NCAPG2: variants seen among roughly 807,000 people sequenced by gnomAD.
The protein encoded by NCAPG2 is non-SMC condensin II complex subunit G2.
In NCAPG2, 53 loss-of-function variants were observed where a neutral mutation model predicts 141.1. That is an observed-to-expected ratio of 0.38 (90% CI 0.30 to 0.47). The LOEUF (loss-of-function observed/expected upper bound fraction) is 0.47. Ranked by LOEUF, NCAPG2 falls within the 20% of genes least tolerant of loss-of-function variation. The pLI is 0.99. For missense variants in NCAPG2, 1,087 were observed against 1,389.0 expected (o/e 0.78, Z 3.46); for synonymous variants, 499 against 490.7 (o/e 1.02, Z -0.22).
chr7:158,643,856 G>A (rs764320943), intron 27 of NCAPG2, among the ~76,000 whole-genome samples: 1 of 152,206 alleles, frequency 6.6e-6, no homozygotes, highest in Non-Finnish European at 1.5e-5. Flanking sequence ...CCTGCAGGCT[G>A]TGCGTAGCAA....
intron 11 of NCAPG2, among the ~76,000 whole-genome samples, chr7:158,678,819 T>C (rs2336803): frequency 6.6e-6 from 1 of 151,824 alleles, no homozygotes; most frequent in Admixed American, 6.5e-5. Context: ...GTGTGTGTGC[T>C]TGAAGAAGTA....
At chr7:158,701,455 T>G (rs947597763) in intron 2 of NCAPG2, among the ~76,000 whole-genome samples, 8 of 152,206 alleles carry the variant, frequency 5.3e-5, no homozygotes, top group Non-Finnish European at 8.8e-5. Context: ...AGATAAAGTC[T>G]GAATTCCTTA....
chr7:158,671,491 T>C lies in NCAPG2; in HGVS notation c.1479+23A>G, dbSNP rs760449761. On this transcript the variant is annotated intron_variant, in intron 13 of 27. Coordinates refer to ENST00000356309, the MANE Select transcript of NCAPG2 (RefSeq NM_017760.7). ...ACATGTCCCTATTTCATGTCATAAG[T>C]AAAAAAGCCCTATTCATCCTACCTT... 10 of 1,613,586 alleles carry C rather than the reference T, an allele frequency of 6.2e-6. No individual in the cohort carries two copies. In the East Asian group the frequency reaches 6.7e-5, roughly 11 times the overall value.
At chr7:158,640,052 C>CAAAAAAAAAAAAAAAAAAAAAAAAGACAA (rs58368997) in intron 27 of NCAPG2, 1 of 98,324 alleles carries the variant, frequency 1.0e-5, no homozygotes, top group African/African-American at 3.9e-5. Flanking sequence ...GAATAAATGC[C>CAAAAAAAAAAAAAAAAAAAAAAAAGACAA]AAAAAAAAAA....
intron 27 of NCAPG2, among the ~76,000 whole-genome samples, chr7:158,639,512 A>C (rs567991922): frequency 6.6e-6 from 1 of 152,202 alleles, no homozygotes; most frequent in Non-Finnish European, 1.5e-5. Flanking sequence ...AAAATCAATA[A>C]ACAAAAACCA....
At chr7:158,689,604 C>A (rs565639377) in intron 6 of NCAPG2, among the ~76,000 whole-genome samples, 1 of 152,334 alleles carries the variant, frequency 6.6e-6, no homozygotes, top group African/African-American at 2.4e-5. Flanking sequence ...AGGTAACACA[C>A]AGCCACCTGT....
At position 158,675,912 on chromosome 7, in the gene NCAPG2, A is replaced by T. The variant is rs913762389; in HGVS notation, c.1147-256T>A. The stretch of plus-strand genomic sequence containing the variant: ...GCAGGGCCTCAAAACCAGCTCTGTC[A>T]TTCAGTGAGACCTGCACACTCAGCT... On this transcript the variant is annotated intron_variant, in intron 11 of 27. Coordinates refer to ENST00000356309, the MANE Select transcript of NCAPG2 (RefSeq NM_017760.7). Among the ~76,000 whole-genome samples the T allele has an allele frequency of 5.4e-4, 82 of 152,216 alleles. 1 individual carries two copies. Among genetic ancestry groups the T allele is most frequent in the African/African-American group, 1.7e-3 (72 of 41,460 alleles).
At chr7:158,656,472 C>T (rs368085527) in intron 18 of NCAPG2, 39 bp from the exon 19 acceptor site, 44 of 1,610,144 alleles carry the variant, frequency 2.7e-5, no homozygotes, top group Middle Eastern at 1.7e-4. Flanking sequence ...TGAAAACACA[C>T]GTCCCTAGAA....
At chr7:158,667,278 CTCA>C (rs1833052524) in intron 13 of NCAPG2, 1 of 951,194 alleles carries the variant, frequency 1.1e-6, no homozygotes, top group East Asian at 1.2e-4. Context: ...CTCCGCCTCC[CTCA>C]GAGACCCTGT....
chr7:158,633,553 G>T lies in NCAPG2; in HGVS notation c.3381-1836C>A, dbSNP rs1170970763. On this transcript the variant is annotated intron_variant, in intron 27 of 27. Coordinates refer to ENST00000356309, the MANE Select transcript of NCAPG2 (RefSeq NM_017760.7). This position sits in a 1 kb window ranked among gnomAD's most constrained non-coding sequence, Gnocchi z 4.1. ...ACAGCCCCTTCACTCTCCCAGCCTC[G>T]CTGGGCCTCTACTGGACCTGCTGCC... is the stretch of plus-strand genomic sequence containing the variant. Among the ~76,000 whole-genome samples the T allele has an allele frequency of 2.0e-5, 3 of 152,086 alleles. No homozygotes were observed. In the East Asian group the frequency reaches 5.8e-4, roughly 30 times the overall value.
intron 10 of NCAPG2, 24 bp downstream of exon 10, chr7:158,680,697 G>C (rs200893981): frequency 1.4e-6 from 2 of 1,429,106 alleles, no homozygotes; most frequent in East Asian, 2.4e-5. Flanking sequence ...TTCCAAACAC[G>C]GATAAACTAT....
At chr7:158,701,787 C>A in intron 2 of NCAPG2, 35 bp downstream of exon 2, 1 of 1,567,536 alleles carries the variant, frequency 6.4e-7, no homozygotes, top group South Asian at 1.1e-5. Context: ...TATTCACAGT[C>A]AAAAATCACA....
intron 2 of NCAPG2, among the ~76,000 whole-genome samples, chr7:158,698,052 AC>A (rs1284495155): frequency 6.6e-6 from 1 of 152,214 alleles, no homozygotes; most frequent in South Asian, 2.1e-4. Context: ...TGTACAATAA[AC>A]CCCCATGAGA....
In NCAPG2 at chr7:158,698,866, G is replaced by A. The variant is rs537532543; in HGVS notation, c.78+2956C>T. Among the ~76,000 whole-genome samples the A allele has an allele frequency of 1.6e-4, 24 of 150,740 alleles. 1 individual carries two copies. Among genetic ancestry groups the A allele is most frequent in the African/African-American group, 5.4e-4 (22 of 40,908 alleles). ...AGTTGCACAATCATAGCTCACTGTA[G>A]CCTCAAACTCCTGGGCTCAAGTAAT... On this transcript the variant is annotated intron_variant, in intron 2 of 27. Coordinates refer to ENST00000356309, the MANE Select transcript of NCAPG2 (RefSeq NM_017760.7).
intron 4 of NCAPG2, among the ~76,000 whole-genome samples, chr7:158,691,289 T>C (rs909919392): frequency 2.6e-5 from 4 of 152,248 alleles, no homozygotes; most frequent in African/African-American, 7.2e-5. Flanking sequence ...ATTACACTAA[T>C]ATAACATTCC....
At position 158,656,368 on chromosome 7, in the gene NCAPG2, T is replaced by G; in HGVS notation, c.2280A>C (p.Ala760=). The change falls in exon 19 of 28, where the codon GCA becomes GCC. Residue 760 remains alanine, a synonymous_variant. Transcript: ENST00000356309. ...TCAGCAGATACTCAATGTAGACCAA[T>G]GCCAATTCAGGTTTGACTGGGCGTG... is the stretch of plus-strand genomic sequence containing the variant. ...HDTRPVKPEL[A]LVYIEYLLTH... 6.2e-7 allele frequency: 1 copy of G among 1,614,184 alleles called. No individual in the cohort carries two copies. The highest frequency in any genetic ancestry group is 1.1e-5 in the South Asian group (1 of 91,084).
At chr7:158,694,714 A>G (rs1308480642) in intron 2 of NCAPG2, among the ~76,000 whole-genome samples, 2 of 152,092 alleles carry the variant, frequency 1.3e-5, no homozygotes, top group Non-Finnish European at 2.9e-5. Flanking sequence ...ATAACCTCAT[A>G]AGCCCTCCAT....
rs190775139 is a variant in NCAPG2, at chr7:158,675,132, T to C, written c.1326+345A>G. 2.1e-3 allele frequency among the ~76,000 whole-genome samples: 319 copies of C among 152,326 alleles called. 8 individuals carry two copies. Among genetic ancestry groups the C allele is most frequent in the Non-Finnish European group, 3.4e-4 (23 of 68,028 alleles). ...ATTGGTGTTGGTGATAGGTGGGAGA[T>C]ACTAAAAAATTACTTAAGTGAATCC... On this transcript the variant is annotated intron_variant, in intron 12 of 27. Transcript: ENST00000356309.
At chr7:158,655,750 C>CCTCCCCATCTGCCCTG (rs1831921437) in intron 19 of NCAPG2, among the ~76,000 whole-genome samples, 4 of 151,286 alleles carry the variant, frequency 2.6e-5, no homozygotes, top group African/African-American at 4.9e-5. Context: ...CTGCCTGGCT[C>CCTCCCCATCTGCCCTG]CACTCTGCTG....
Sources: gnomAD v4.1 joint callset for allele counts (sites outside exome capture counted in the v4.1 genomes callset) on GRCh38, gnomAD v4.1.1 for gene constraint, Gnocchi (gnomAD v3.1) non-coding constraint, MANE v1.5 for transcripts, NCBI Gene and HGNC (gene_info 2026-07-23, HGNC 2026-07-21) for gene names.